Variants in OSBPL10 observed in about 807,000 individuals in gnomAD.
OSBPL10 encodes oxysterol binding protein like 10, also known as oxysterol-binding protein-related protein 10.
OSBPL10 carries 49 observed loss-of-function variants against 81.7 expected under a neutral mutation model. The observed-to-expected ratio is 0.60, with a 90% confidence interval of 0.48 to 0.76. OSBPL10 has a LOEUF of 0.76. Ranked by LOEUF, OSBPL10 falls within the 30% of genes least tolerant of loss-of-function variation. The probability of loss-of-function intolerance (pLI) is 0.00; values close to 1 mark genes in which losing one functional copy is unlikely to be tolerated. For missense variants in OSBPL10, 923 were observed against 987.8 expected (o/e 0.93, Z 0.88); for synonymous variants, 419 against 383.6 (o/e 1.09, Z -1.08).
At chr3:31,830,259 C>G in intron 3 of OSBPL10, 28 bp from the exon 4 acceptor site, 1 of 1,591,960 alleles carries the variant, frequency 6.3e-7, no homozygotes, top group Non-Finnish European at 8.6e-7. Flanking sequence ...TGTCAAAACT[C>G]AACAACTGAC....
Position 32,048,153 on chromosome 3 carries a change from C to T in OSBPL10, n.186-1550G>A, listed in dbSNP as rs530919352. Among the ~76,000 whole-genome samples the T allele has an allele frequency of 7.1e-4, 108 of 152,164 alleles. No homozygotes were observed. The South Asian group carries it at 7.7e-3, about 11-fold the overall frequency. On this transcript the variant is annotated intron_variant and non_coding_transcript_variant, in intron 1 of 3. Coordinates refer to the OSBPL10 transcript ENST00000479173. ...ACAACCCCACATCTCTTCCTCTAAC[C>T]ACCGCACTTGGCAGTTCCTATTAAT...
At chr3:31,809,395 C>T (rs1204943023) in intron 4 of OSBPL10, among the ~76,000 whole-genome samples, 1 of 152,192 alleles carries the variant, frequency 6.6e-6, no homozygotes. Flanking sequence ...CATGTAGGAT[C>T]CACAAACTTT....
chr3:31,991,108 C>T, intron 2 of OSBPL10: 2 of 913,534 alleles, frequency 2.2e-6, no homozygotes, highest in Non-Finnish European at 3.3e-6. Context: ...TTTCAGTTGA[C>T]TTGACATTGA....
chr3:31,843,201 G>A (rs1700542362), intron 3 of OSBPL10, among the ~76,000 whole-genome samples: 1 of 152,232 alleles, frequency 6.6e-6, no homozygotes, highest in African/African-American at 2.4e-5. Flanking sequence ...CCACATACAA[G>A]TGCAAATCTA....
chr3:31,961,954 T>A (rs543632588), intron 1 of OSBPL10, among the ~76,000 whole-genome samples: 48 of 151,852 alleles, frequency 3.2e-4, no homozygotes, highest in African/African-American at 1.1e-3. Flanking sequence ...AGGGTTGCTT[T>A]TTTTTATTTT....
chr3:31,821,870 T>C (rs1320159423), intron 4 of OSBPL10, among the ~76,000 whole-genome samples: 4 of 152,202 alleles, frequency 2.6e-5, no homozygotes, highest in Non-Finnish European at 5.9e-5. Flanking sequence ...GGGTGACAGT[T>C]TACAGTTACT....
At chr3:31,961,559 AG>A (rs1402164967) in intron 1 of OSBPL10, among the ~76,000 whole-genome samples, 1 of 151,962 alleles carries the variant, frequency 6.6e-6, no homozygotes, top group Non-Finnish European at 1.5e-5. Context: ...TAATGCTGGG[AG>A]GGGGCTGGGC....
intron 3 of OSBPL10, among the ~76,000 whole-genome samples, chr3:31,833,704 C>T (rs1016210366): frequency 8.8e-6 from 1 of 113,778 alleles, no homozygotes; most frequent in Non-Finnish European, 1.8e-5. Flanking sequence ...CACACGCACA[C>T]GCACACACAC....
chr3:31,999,258 C>A (rs1215202879), intron 2 of OSBPL10, among the ~76,000 whole-genome samples: 1 of 152,034 alleles, frequency 6.6e-6, no homozygotes, highest in Non-Finnish European at 1.5e-5. Context: ...ACCTGATTCC[C>A]CTATGTCAGT....
At chr3:31,677,689 A>G (rs1700515431) in intron 8 of OSBPL10, among the ~76,000 whole-genome samples, 1 of 152,220 alleles carries the variant, frequency 6.6e-6, no homozygotes, top group Non-Finnish European at 1.5e-5. Context: ...CAAGGGCTCC[A>G]GCCTCTGCCT....
chr3:31,944,089 T>C (rs1297923219), intron 1 of OSBPL10, among the ~76,000 whole-genome samples: 1 of 151,604 alleles, frequency 6.6e-6, no homozygotes, highest in Non-Finnish European at 1.5e-5. Flanking sequence ...GGCTGTTGCA[T>C]ATTTTCTGTG....
intron 2 of OSBPL10, among the ~76,000 whole-genome samples, chr3:32,006,090 G>A (rs903962722): frequency 6.6e-6 from 1 of 151,798 alleles, no homozygotes; most frequent in Non-Finnish European, 1.5e-5. Context: ...GATTACAGAT[G>A]AGCACCACCA....
At chr3:32,006,963 T>C (rs72855513) in intron 2 of OSBPL10, among the ~76,000 whole-genome samples, 3,142 of 152,262 alleles carry the variant, frequency 0.021, 105 homozygotes, top group East Asian at 0.15. Context: ...AGATGTGGTC[T>C]CACTATGTGG....
At chr3:31,838,371 C>T (rs1205623808) in intron 3 of OSBPL10, among the ~76,000 whole-genome samples, 3 of 151,860 alleles carry the variant, frequency 2.0e-5, no homozygotes, top group East Asian at 1.9e-4. Flanking sequence ...ATTAGCCGGG[C>T]GTGGTGGCGG....
intron 2 of OSBPL10, among the ~76,000 whole-genome samples, chr3:32,001,187 C>T (rs1699141364): frequency 6.6e-6 from 1 of 152,142 alleles, no homozygotes; most frequent in Admixed American, 6.5e-5. Flanking sequence ...GGGTTCTGTG[C>T]TTGCAACCAA....
At chr3:31,892,360 CCAGCGG>C in intron 1 of OSBPL10, among the ~76,000 whole-genome samples, 1 of 152,228 alleles carries the variant, frequency 6.6e-6, no homozygotes, top group Non-Finnish European at 1.5e-5. Flanking sequence ...CTAACATCAA[CCAGCGG>C]CAGGGACAGA....
chr3:31,810,034 G>T (rs1279193777), intron 4 of OSBPL10, among the ~76,000 whole-genome samples: 1 of 151,896 alleles, frequency 6.6e-6, no homozygotes, highest in Non-Finnish European at 1.5e-5. Context: ...ACCACGCCCG[G>T]CTAATTTCGT....
At chr3:31,912,267 G>GCA (rs1296981985) in intron 1 of OSBPL10, among the ~76,000 whole-genome samples, 2 of 152,088 alleles carry the variant, frequency 1.3e-5, no homozygotes, top group East Asian at 3.9e-4. Flanking sequence ...GGTGGTGGAT[G>GCA]CCTGTAATCC....
At chr3:31,662,357 G>C in intron 11 of OSBPL10, 3 of 1,264,128 alleles carry the variant, frequency 2.4e-6, no homozygotes, top group Non-Finnish European at 3.0e-6. Flanking sequence ...TAAAAGGGGA[G>C]CTTGGTTGGC....
Sources: allele counts gnomAD v4.1 joint callset (sites outside exome capture counted in the v4.1 genomes callset), GRCh38; gene constraint gnomAD v4.1.1; transcripts MANE v1.5; gene names NCBI Gene and HGNC (gene_info 2026-07-23, HGNC 2026-07-21).